UTP20: variants seen among roughly 807,000 people sequenced by gnomAD.
UTP20 encodes small subunit processome component 20 homolog.
Under a neutral mutation model 329.5 loss-of-function variants are expected in UTP20, and 164 were observed. The observed-to-expected ratio is 0.50, with a 90% CI of 0.44 to 0.57. The LOEUF is 0.57. Among genes scored for constraint, UTP20 ranks in the 20% least tolerant of loss-of-function variants. The probability of loss-of-function intolerance (pLI) is 0.00; values close to 1 mark genes in which losing one functional copy is unlikely to be tolerated. For missense variants in UTP20, 3,055 were observed against 3,284.2 expected, an observed-to-expected ratio of 0.93 and a Z score of 1.71; for synonymous variants, 1,151 against 1,159.3, an observed-to-expected ratio of 0.99 and a Z score of 0.14.
In UTP20 at chr12:101,327,149, G is replaced by T; in HGVS notation, c.3110G>T (p.Arg1037Leu). The T allele has an allele frequency of 6.8e-6, 11 of 1,612,968 alleles. No individual in the cohort carries two copies. Among genetic ancestry groups the T allele is most frequent in the Non-Finnish European group, 9.3e-6 (11 of 1,179,094 alleles). ...CAGGGGAAATCTGCTTCAGGCACCC[G>T]CATGGCCATTGTCCTGCGGTTCCTG... ...KTQGKSASGT[R>L]MAIVLRFLAG... is the part of the protein sequence containing the mutation. The change falls in exon 26 of 62, where the codon CGC becomes CTC. Residue 1037 changes from arginine (R) to leucine (L), a missense_variant. Transcript: ENST00000261637.
rs191245693 is a variant in UTP20, at chr12:101,381,761, A to G, written c.7656+550A>G. Among the ~76,000 whole-genome samples, 764 of 151,638 alleles carry G rather than the reference A, an allele frequency of 5.0e-3. 9 individuals are homozygous for G. Among genetic ancestry groups the G allele is most frequent in the African/African-American group, 0.018 (726 of 41,344 alleles). On this transcript the variant is annotated intron_variant, in intron 58 of 61. Coordinates refer to ENST00000261637, the MANE Select transcript of UTP20 (RefSeq NM_014503.3). ...GGTCTGGGTGCGGTGACTCACGCCT[A>G]TAATCCCAGCACTTTGGGAGGCCGA...
chr12:101,327,160 G>A lies in UTP20; in HGVS notation c.3121G>A (p.Val1041Ile), dbSNP rs749579850. Residue 1041 changes from valine (V) to isoleucine (I), a missense_variant, in exon 26 of 62, where the codon GTC becomes ATC. Val to Ile is a conservative substitution (Grantham distance 29, BLOSUM62 3). Coordinates refer to ENST00000261637, the MANE Select transcript of UTP20 (RefSeq NM_014503.3). ...KSASGTRMAI[V>I]LRFLAGTQPE... ...TGCTTCAGGCACCCGCATGGCCATT[G>A]TCCTGCGGTTCCTGGCCGGGACCCA... is the stretch of plus-strand genomic sequence containing the variant. 6.2e-7 allele frequency: 1 copy of A among 1,613,248 alleles called. No individual in the cohort carries two copies. Among genetic ancestry groups the A allele is most frequent in the Non-Finnish European group, 8.5e-7 (1 of 1,179,224 alleles).
At chr12:101,301,403 C>T (rs963507994) in intron 14 of UTP20, among the ~76,000 whole-genome samples, 14 of 152,070 alleles carry the variant, frequency 9.2e-5, no homozygotes, top group African/African-American at 2.7e-4. Flanking sequence ...TGTGGTGGCT[C>T]ATGCCGGTAA....
At chr12:101,308,767 C>G (rs2137250027) in intron 18 of UTP20, among the ~76,000 whole-genome samples, 1 of 148,250 alleles carries the variant, frequency 6.7e-6, no homozygotes, top group South Asian at 2.1e-4. Context: ...GAGTCTCGCT[C>G]TGTCACCCAG....
intron 15 of UTP20, among the ~76,000 whole-genome samples, chr12:101,304,836 G>C (rs540686357): frequency 6.6e-6 from 1 of 152,082 alleles, no homozygotes. Context: ...CATGTTCCTC[G>C]GGGCTCCGTA....
chr12:101,334,893 A>G (rs1027061769), intron 29 of UTP20, among the ~76,000 whole-genome samples: 2 of 151,922 alleles, frequency 1.3e-5, no homozygotes, highest in African/African-American at 4.8e-5. Flanking sequence ...GGATTGCTTG[A>G]GCCAACAAAG....
In UTP20 at chr12:101,342,489, A is replaced by C. The variant is rs1159619354; in HGVS notation, c.4145A>C (p.Lys1382Thr). 1.2e-6 allele frequency: 2 copies of C among 1,612,068 alleles called. No homozygotes were observed. Among genetic ancestry groups the C allele is most frequent in the Non-Finnish European group, 1.7e-6 (2 of 1,179,422 alleles). The change falls in exon 33 of 62, where the codon AAG becomes ACG. Residue 1382 changes from lysine (K) to threonine (T), a missense_variant. By Grantham distance (78) the Lys-to-Thr change is moderately conservative. This residue lies in a region of UTP20 where 2,445 missense variants were observed against 2,575.5 expected (regional missense o/e 0.95). Transcript: ENST00000261637. The stretch of plus-strand genomic sequence containing the variant: ...CTGGTGACAGTACAAAACTTGTTAA[A>C]GCATTGTGTGGACCCTACAAGCTTC... Reference protein sequence around the residue: ...DILVTVQNLLKHCVDPTSFLK... With the variant: ...DILVTVQNLLTHCVDPTSFLK...
chr12:101,283,554 G>C (rs973343784), intron 2 of UTP20, among the ~76,000 whole-genome samples: 2 of 152,312 alleles, frequency 1.3e-5, no homozygotes, highest in African/African-American at 4.8e-5. Context: ...AAAAGGACGT[G>C]ACATGGTCTC....
chr12:101,380,797 G>A (rs1870620133), intron 57 of UTP20, among the ~76,000 whole-genome samples: 1 of 149,046 alleles, frequency 6.7e-6, no homozygotes, highest in South Asian at 2.1e-4. Context: ...CCAGGAAGCA[G>A]AGGTTGCAGT....
Position 101,319,559 on chromosome 12 carries a change from A to C in UTP20, c.2753A>C (p.His918Pro). 1 of 1,605,412 alleles carries C rather than the reference A, an allele frequency of 6.2e-7. No individual in the cohort carries two copies. Among genetic ancestry groups the C allele is most frequent in the Non-Finnish European group, 8.5e-7 (1 of 1,178,616 alleles). Residue 918 changes from histidine (H) to proline (P), a missense_variant, in exon 23 of 62, where the codon CAT becomes CCT. Transcript: ENST00000261637. Reference protein sequence around the residue: ...RRAAAKQLIAHLQVFSKFSNP... With the variant: ...RRAAAKQLIAPLQVFSKFSNP... ...TTTTTGTTTAGGCAATTAATTGCTC[A>C]TTTGCAAGTTTTCTCTAAATTTTCA...
chr12:101,364,870 T>C (rs1202295143), intron 45 of UTP20, among the ~76,000 whole-genome samples: 1 of 152,088 alleles, frequency 6.6e-6, no homozygotes, highest in Non-Finnish European at 1.5e-5. Flanking sequence ...TATTAAAAAG[T>C]CCCTCCAAGG....
At chr12:101,349,418 C>CTT (rs775265689) in intron 38 of UTP20, among the ~76,000 whole-genome samples, 1,964 of 138,672 alleles carry the variant, frequency 0.014, 28 homozygotes, top group East Asian at 0.081. Flanking sequence ...TTTTTTCTTT[C>CTT]TTTTTTTTTT....
chr12:101,293,320 G>T, intron 11 of UTP20, 75 bp downstream of exon 11: 1 of 1,371,420 alleles, frequency 7.3e-7, no homozygotes. Context: ...TTGAAATCCT[G>T]TTATTTCTGT....
intron 21 of UTP20, among the ~76,000 whole-genome samples, chr12:101,314,447 A>T (rs954900696): frequency 2.6e-5 from 4 of 151,900 alleles, no homozygotes; most frequent in African/African-American, 9.7e-5. Flanking sequence ...TCACAAGGTC[A>T]GGAGATCGAG....
chr12:101,297,346 G>C (rs1872389687), intron 12 of UTP20, among the ~76,000 whole-genome samples: 1 of 152,168 alleles, frequency 6.6e-6, no homozygotes, highest in South Asian at 2.1e-4. Context: ...CTCCCAGGTA[G>C]CTGGAACCAT....
intron 7 of UTP20, 82 bp from the exon 8 acceptor site, chr12:101,290,651 A>G: frequency 1.2e-5 from 17 of 1,434,690 alleles, no homozygotes; most frequent in Non-Finnish European, 1.6e-5. Flanking sequence ...AAGGTAGCTA[A>G]TGTAATCAGA....
chr12:101,320,469 T>A (rs1873113455), intron 23 of UTP20, among the ~76,000 whole-genome samples: 1 of 151,480 alleles, frequency 6.6e-6, no homozygotes, highest in African/African-American at 2.4e-5. Context: ...GGCAGGAGAA[T>A]CGTTTGAACC....
chr12:101,303,057 A>T (rs761306975), intron 15 of UTP20, among the ~76,000 whole-genome samples: 1 of 152,180 alleles, frequency 6.6e-6, no homozygotes. Context: ...AGCAGCACAG[A>T]GCCATTTGAG....
intron 14 of UTP20, 67 bp downstream of exon 14, chr12:101,300,128 A>G (rs1293980939): frequency 2.1e-6 from 3 of 1,424,176 alleles, no homozygotes; most frequent in East Asian, 2.3e-5. Context: ...TTGTAAACAC[A>G]TGAGCTATTA....
Sources: allele counts gnomAD v4.1 joint callset (sites outside exome capture counted in the v4.1 genomes callset), GRCh38; gene constraint gnomAD v4.1.1; regional missense constraint gnomAD v4.1.1; transcripts MANE v1.5; gene names NCBI Gene and HGNC (gene_info 2026-07-23, HGNC 2026-07-21).